The following CACNA2D1 variants were observed in gnomAD, a reference collection of about 807,000 sequenced individuals.
CACNA2D1 encodes calcium voltage-gated channel auxiliary subunit alpha2delta 1.
CACNA2D1 carries 53 observed loss-of-function variants against 171.5 expected under a neutral mutation model. The observed-to-expected ratio is 0.31, with a 90% CI of 0.25 to 0.39. The LOEUF (loss-of-function observed/expected upper bound fraction) is 0.39. CACNA2D1 is among the 10% of genes least tolerant of loss of function. CACNA2D1 has a pLI of 1.00. For synonymous variants in CACNA2D1, 442 were observed against 443.1 expected, an observed-to-expected ratio of 1.00 and a Z score of 0.03; for missense variants, 903 against 1,299.8, an observed-to-expected ratio of 0.69 and a Z score of 4.69.
At chr7:82,343,738 T>A (rs1818943419) in intron 2 of CACNA2D1, among the ~76,000 whole-genome samples, 1 of 152,106 alleles carries the variant, frequency 6.6e-6, no homozygotes, top group African/African-American at 2.4e-5. Context: ...GAATACACAT[T>A]TTGGCCAGAA....
intron 7 of CACNA2D1, among the ~76,000 whole-genome samples, chr7:82,075,757 CA>C (rs1056837220): frequency 1.3e-5 from 2 of 151,710 alleles, no homozygotes; most frequent in South Asian, 2.1e-4. Flanking sequence ...GAGTTTTTGA[CA>C]AAAAAATCTT....
chr7:81,989,790 TTGG>T (rs1298843280), intron 21 of CACNA2D1, among the ~76,000 whole-genome samples: 1 of 151,812 alleles, frequency 6.6e-6, no homozygotes, highest in African/African-American at 2.4e-5. Flanking sequence ...ATGAAAGGAG[TTGG>T]TGGTGTGCAC....
At chr7:82,141,593 C>T (rs140636229) in intron 4 of CACNA2D1, among the ~76,000 whole-genome samples, 215 of 152,178 alleles carry the variant, frequency 1.4e-3, no homozygotes, top group African/African-American at 4.7e-3. Flanking sequence ...ATTGGAGAAA[C>T]GAAGATGAAT....
chr7:82,261,196 C>T (rs138383638), intron 3 of CACNA2D1, among the ~76,000 whole-genome samples: 2,932 of 152,284 alleles, frequency 0.019, 94 homozygotes, highest in African/African-American at 0.068. Flanking sequence ...CTCAAGTGAT[C>T]TGCCCGCCTC....
chr7:82,424,702 A>G (rs1829023655), intron 1 of CACNA2D1, among the ~76,000 whole-genome samples: 1 of 152,214 alleles, frequency 6.6e-6, no homozygotes. Context: ...CAGAAAGTGA[A>G]AAGTTCAGCT....
chr7:82,375,460 TA>T (rs1228246250), intron 1 of CACNA2D1, among the ~76,000 whole-genome samples: 1 of 152,164 alleles, frequency 6.6e-6, no homozygotes, highest in African/African-American at 2.4e-5. Flanking sequence ...TATGGGGGTG[TA>T]GAAATGGGGA....
chr7:82,360,140 A>G (rs1178386740), intron 1 of CACNA2D1, among the ~76,000 whole-genome samples: 4 of 152,310 alleles, frequency 2.6e-5, no homozygotes, highest in Admixed American at 2.6e-4. Flanking sequence ...TCATTGTTAA[A>G]CCACCAGATA....
chr7:82,299,891 ATATT>A (rs1436651122), intron 3 of CACNA2D1, among the ~76,000 whole-genome samples: 5 of 152,184 alleles, frequency 3.3e-5, no homozygotes, highest in Admixed American at 3.3e-4. Context: ...CATTCAGTAA[ATATT>A]TATAGAACAC....
intron 22 of CACNA2D1, 21 bp from the exon 23 acceptor site, chr7:81,983,355 G>C (rs1796629936): frequency 1.2e-6 from 2 of 1,601,830 alleles, no homozygotes; most frequent in Admixed American, 1.7e-5. Flanking sequence ...CCATCAGAAA[G>C]AGAAAGCAGG....
rs924751510 is a variant in CACNA2D1, at chr7:82,332,495, A to C, written c.294+2640T>G. ...TATAAAGAAAGAAACGAAGCATAGA[A>C]ATAAAAAAGAAATATAAAGAAAGAA... is the stretch of plus-strand genomic sequence containing the variant. On this transcript the variant is annotated intron_variant, in intron 3 of 38. Transcript: ENST00000356860. Among the ~76,000 whole-genome samples the C allele has an allele frequency of 2.1e-5, 3 of 142,996 alleles. No homozygotes were observed. In the South Asian group the frequency reaches 6.9e-4, roughly 33 times the overall value. 93.8% of individuals were successfully genotyped at this position (142,996 alleles called of 152,430 possible).
At chr7:81,964,478 G>T (rs745745737) in intron 32 of CACNA2D1, 119 bp from the exon 33 acceptor site, 40 of 760,874 alleles carry the variant, frequency 5.3e-5, no homozygotes, top group Non-Finnish European at 8.3e-5. Context: ...CAACTGAGGA[G>T]CTTAAAAACA....
chr7:82,216,969 TA>T (rs1245105410), intron 3 of CACNA2D1, among the ~76,000 whole-genome samples: 7 of 151,960 alleles, frequency 4.6e-5, no homozygotes, highest in Non-Finnish European at 8.8e-5. Flanking sequence ...AAGATGTTTT[TA>T]ATTACATTAT....
intron 15 of CACNA2D1, among the ~76,000 whole-genome samples, chr7:82,009,987 AT>A (rs991773830): frequency 1.3e-5 from 2 of 151,958 alleles, no homozygotes; most frequent in East Asian, 3.9e-4. Flanking sequence ...CCAAGGTATC[AT>A]TTTTTTGATA....
At chr7:82,072,516 GA>G (rs980605747) in intron 7 of CACNA2D1, among the ~76,000 whole-genome samples, 9 of 151,338 alleles carry the variant, frequency 5.9e-5, no homozygotes, top group African/African-American at 2.2e-4. Context: ...AGTTACTTTT[GA>G]AAAATAACAA....
chr7:82,219,536 A>G (rs1801527761), intron 3 of CACNA2D1, among the ~76,000 whole-genome samples: 1 of 152,126 alleles, frequency 6.6e-6, no homozygotes, highest in Non-Finnish European at 1.5e-5. Flanking sequence ...ATTTATTTAT[A>G]AACAAAGAAT....
intron 3 of CACNA2D1, among the ~76,000 whole-genome samples, chr7:82,312,509 CTTTTTTT>C (rs557443177): frequency 8.4e-6 from 1 of 118,988 alleles, no homozygotes; most frequent in Non-Finnish European, 1.7e-5. Context: ...TTAACTGAAA[CTTTTTTT>C]TTTTTTTTTT....
intron 7 of CACNA2D1, among the ~76,000 whole-genome samples, chr7:82,070,074 T>C (rs1345900818): frequency 6.6e-6 from 1 of 152,156 alleles, no homozygotes; most frequent in African/African-American, 2.4e-5. Context: ...TTTCACTAAA[T>C]GTGTACTGCA....
At chr7:82,186,532 T>C (rs1337506962) in intron 3 of CACNA2D1, among the ~76,000 whole-genome samples, 3 of 152,146 alleles carry the variant, frequency 2.0e-5, no homozygotes, top group Non-Finnish European at 4.4e-5. Context: ...TATGGGGGCA[T>C]AGACCATCCA....
chr7:82,182,838 C>T (rs370005776), intron 3 of CACNA2D1, among the ~76,000 whole-genome samples: 49 of 152,058 alleles, frequency 3.2e-4, no homozygotes, highest in African/African-American at 1.0e-3. Context: ...GAGTTCGAGA[C>T]CTGTCTGGCC....
Sources: gnomAD v4.1 joint callset for allele counts (sites outside exome capture counted in the v4.1 genomes callset) on GRCh38, gnomAD v4.1.1 for gene constraint, MANE v1.5 for transcripts, NCBI Gene and HGNC (gene_info 2026-07-23, HGNC 2026-07-21) for gene names.